GEMIN5: variants seen among roughly 807,000 people sequenced by gnomAD.
GEMIN5 encodes gem-associated protein 5.
Under a neutral mutation model 176.9 loss-of-function variants are expected in GEMIN5, and 124 were observed. The ratio of observed to expected loss-of-function variants is 0.70; its 90% CI spans 0.61 to 0.81. The LOEUF is 0.81. Among genes scored for constraint, GEMIN5 ranks in the 40% least tolerant of loss-of-function variants. The pLI is 0.00. For synonymous variants in GEMIN5, 673 were observed against 665.2 expected (o/e 1.01, Z -0.18); for missense variants, 1,843 against 1,814.6 (o/e 1.02, Z -0.28).
At chr5:154,899,144 C>A in intron 22 of GEMIN5, 47 bp downstream of exon 22, 2 of 1,552,160 alleles carry the variant, frequency 1.3e-6, no homozygotes, top group Non-Finnish European at 8.7e-7. Context: ...CCCTTCCTGG[C>A]AGAAGCTCTC....
At chr5:154,899,857 T>C (rs1293489642) in intron 21 of GEMIN5, among the ~76,000 whole-genome samples, 3 of 152,112 alleles carry the variant, frequency 2.0e-5, no homozygotes, top group Non-Finnish European at 4.4e-5. Flanking sequence ...AGTAGAATGG[T>C]TGTCTCTAGG....
chr5:154,921,465 A>G (rs953067103), intron 9 of GEMIN5, 40 bp from the exon 10 acceptor site: 29 of 875,190 alleles, frequency 3.3e-5, no homozygotes, highest in Non-Finnish European at 5.0e-5. Context: ...GGAGATTTAA[A>G]CAAAAAGGCA....
chr5:154,928,775 T>A, intron 5 of GEMIN5, 116 bp from the exon 6 acceptor site: 1 of 819,344 alleles, frequency 1.2e-6, no homozygotes, highest in Non-Finnish European at 2.0e-6. Flanking sequence ...TTTGGCTACT[T>A]AGAATTCAGA....
chr5:154,917,014 G>T lies in GEMIN5; in HGVS notation c.1839C>A (p.Asn613Lys). 1.3e-6 allele frequency: 2 copies of T among 1,587,666 alleles called. No individual in the cohort carries two copies. The highest frequency in any genetic ancestry group is 1.7e-6 in the Non-Finnish European group (2 of 1,160,340). The change falls in exon 13 of 28, where the codon AAC becomes AAA. Residue 613 changes from asparagine (N) to lysine (K), a missense_variant. By Grantham distance (94) the Asn-to-Lys change is moderately conservative. Coordinates refer to ENST00000285873, the MANE Select transcript of GEMIN5 (RefSeq NM_015465.5). ...GSNNAVIYVH[N>K]LKTVIESSPE... ...CAAAGTTACCTATGACAGTCTTCAG[G>T]TTGTGCACGTAAATGACTGCATTGT...
At position 154,889,409 on chromosome 5, in the gene GEMIN5, T is replaced by C. The variant is rs749220897; in HGVS notation, c.4271A>G (p.Glu1424Gly). The change falls in exon 27 of 28, where the codon GAA becomes GGA. Residue 1424 changes from glutamate to glycine, a missense_variant. Glu to Gly is a moderately conservative substitution (Grantham distance 98, BLOSUM62 -2). Coordinates refer to ENST00000285873, the MANE Select transcript of GEMIN5 (RefSeq NM_015465.5). ...AGGCAGAGAAAGTGGCTCATTTTTTTCTTCTTTACTAGTGAAAAAAATAAA... is the reference window on the plus strand; with the variant it reads ...AGGCAGAGAAAGTGGCTCATTTTTTCCTTCTTTACTAGTGAAAAAAATAAA... ...LCSSQSQCKE[E>G]KNEPLSLPEL... is the part of the protein sequence containing the mutation. 2 of 1,598,292 alleles carry C rather than the reference T, an allele frequency of 1.3e-6. No individual in the cohort carries two copies. Among genetic ancestry groups the C allele is most frequent in the African/African-American group, 1.3e-5 (1 of 74,806 alleles).
At chr5:154,933,115 C>T (rs1421835683) in intron 3 of GEMIN5, among the ~76,000 whole-genome samples, 1 of 152,104 alleles carries the variant, frequency 6.6e-6, no homozygotes, top group African/African-American at 2.4e-5. Flanking sequence ...AAATAATTAC[C>T]AATAGAGCTG....
chr5:154,889,391 G>GA lies in GEMIN5; in HGVS notation c.4288dup (p.Ser1430PhefsTer4), dbSNP rs1297917315. ...AAGCCTTTTGGTTAACTCAGGCAGA[G>GA]AAAGTGGCTCATTTTTTTCTTCTTT... On this transcript the variant is annotated frameshift_variant, in exon 27 of 28. Coordinates refer to ENST00000285873, the MANE Select transcript of GEMIN5 (RefSeq NM_015465.5). LOFTEE classifies it high-confidence loss of function. 5.0e-6 allele frequency: 8 copies of GA among 1,609,230 alleles called. No homozygotes were observed. Among genetic ancestry groups the GA allele is most frequent in the Non-Finnish European group, 6.8e-6 (8 of 1,175,812 alleles).
Position 154,911,489 on chromosome 5 carries a change from G to A in GEMIN5, c.2167+238C>T, listed in dbSNP as rs540353156. On this transcript the variant is annotated intron_variant, in intron 15 of 27. Transcript: ENST00000285873. ...GATCACGCCACTACATTCCAGTCTG[G>A]GCAACAGAGCGAGACTCTGTCTCAA... Among the ~76,000 whole-genome samples, 8 of 152,220 alleles carry A rather than the reference G, an allele frequency of 5.3e-5. No homozygotes were observed. In the East Asian group the frequency reaches 1.5e-3, roughly 29 times the overall value.
At position 154,911,634 on chromosome 5, in the gene GEMIN5, C is replaced by G. The variant is rs1763701141; in HGVS notation, c.2167+93G>C. ...GACCCCTGCCCTACTGACACTAATGCCCTACACGAATGTCTTCCTTGCTCA... is the reference window on the plus strand; with the variant it reads ...GACCCCTGCCCTACTGACACTAATGGCCTACACGAATGTCTTCCTTGCTCA... On this transcript the variant is annotated intron_variant, in intron 15 of 27. Transcript: ENST00000285873. The G allele has an allele frequency of 8.4e-6, 9 of 1,073,564 alleles. No homozygotes were observed. In the South Asian group the frequency reaches 1.4e-4, roughly 16 times the overall value. The allele number at this position is 1,073,564 out of a possible 1,614,324, so 66.5% of individuals were successfully genotyped here. A position where few individuals can be genotyped will look rare whatever the true frequency, so the allele number is the denominator to read the frequency against.
At chr5:154,914,692 G>A (rs905435140) in intron 13 of GEMIN5, among the ~76,000 whole-genome samples, 3 of 151,726 alleles carry the variant, frequency 2.0e-5, no homozygotes, top group African/African-American at 7.3e-5. Flanking sequence ...TGATCTTCCT[G>A]CCATGGTCTC....
At chr5:154,929,134 G>A (rs1764106662) in intron 5 of GEMIN5, among the ~76,000 whole-genome samples, 1 of 152,206 alleles carries the variant, frequency 6.6e-6, no homozygotes, top group Non-Finnish European at 1.5e-5. Context: ...TGAGGCAGGA[G>A]AATGGCATGA....
Position 154,924,506 on chromosome 5 carries a change from C to G in GEMIN5, c.1342G>C (p.Asp448His), listed in dbSNP as rs1428399011. 5.0e-6 allele frequency: 8 copies of G among 1,612,286 alleles called. No individual in the cohort carries two copies. Among genetic ancestry groups the G allele is most frequent in the African/African-American group, 1.3e-5 (1 of 74,872 alleles). ...KEGCLAFGTD[D>H]GKVGLYDTYS... is the part of the protein sequence containing the mutation. ...GTGTCATACAATCCCACTTTTCCAT[C>G]ATCAGTTCCAAAAGCTAAGCAACCT... Residue 448 changes from aspartate (D) to histidine (H), a missense_variant, in exon 9 of 28, where the codon GAT becomes CAT. Coordinates refer to ENST00000285873, the MANE Select transcript of GEMIN5 (RefSeq NM_015465.5).
chr5:154,932,523 G>GTGGACCATGAT (rs1764190558), intron 3 of GEMIN5, among the ~76,000 whole-genome samples: 1 of 152,128 alleles, frequency 6.6e-6, no homozygotes, highest in South Asian at 2.1e-4. Flanking sequence ...AAAACTCACA[G>GTGGACCATGAT]TGGACCATGA....
Position 154,899,215 on chromosome 5 carries a change from C to T in GEMIN5, c.3110G>A (p.Gly1037Asp), listed in dbSNP as rs765730393. 2.2e-5 allele frequency: 36 copies of T among 1,612,364 alleles called. No homozygotes were observed. In the South Asian group the frequency reaches 3.8e-4, roughly 17 times the overall value. Reference protein sequence around the residue: ...LSWGTVLERDGHYAVAAKCYL... With the variant: ...LSWGTVLERDDHYAVAAKCYL... ...CCATTTGGCAGCTACAGCATAGTGG[C>T]CATCTCTTTCTAGGACGGTTCCCCA... The change falls in exon 22 of 28, where the codon GGC becomes GAC. Residue 1037 changes from glycine (G) to aspartate (D), a missense_variant. By Grantham distance (94) the Gly-to-Asp change is moderately conservative. Coordinates refer to ENST00000285873, the MANE Select transcript of GEMIN5 (RefSeq NM_015465.5).
rs3749672 is a variant in GEMIN5, at chr5:154,932,166, G to A, written c.594C>T (p.Ile198=). Residue 198 remains isoleucine (I), a synonymous_variant, in exon 4 of 28, where the codon ATC becomes ATT. Coordinates refer to ENST00000285873, the MANE Select transcript of GEMIN5 (RefSeq NM_015465.5). Reference sequence around the variant, plus strand: ...GCAGGGGACACCAGGCTATGGAGTGGATTTCATCATCATGGCCTCGAAGCC... The same window carrying A: ...GCAGGGGACACCAGGCTATGGAGTGAATTTCATCATCATGGCCTCGAAGCC... ...IHRLRGHDDE[I]HSIAWCPLPG... is the part of the protein sequence containing the mutation. The A allele has an allele frequency of 1.3e-4, 216 of 1,612,366 alleles. 1 individual carries two copies. The East Asian group carries it at 4.8e-3, about 36-fold the overall frequency.
chr5:154,893,779 T>C (rs1763290565), intron 24 of GEMIN5, among the ~76,000 whole-genome samples: 1 of 152,222 alleles, frequency 6.6e-6, no homozygotes, highest in African/African-American at 2.4e-5. Flanking sequence ...AGTCTTGCTC[T>C]GTCGCCCAGG....
chr5:154,901,795 T>TTC (rs10629944), intron 20 of GEMIN5, among the ~76,000 whole-genome samples: 135,457 of 149,504 alleles, frequency 0.91, 61,764 homozygotes, highest in South Asian at 0.97. Context: ...TTTTTTTTTT[T>TTC]CCCTTTCCTT....
chr5:154,888,162 G>C lies in GEMIN5; in HGVS notation c.*48C>G. The C allele has an allele frequency of 1.3e-6, 2 of 1,561,854 alleles. No individual in the cohort carries two copies. Among genetic ancestry groups the C allele is most frequent in the Non-Finnish European group, 1.8e-6 (2 of 1,132,886 alleles). The stretch of plus-strand genomic sequence containing the variant: ...GTGAGGCATAACTGCAGAGGTGAAA[G>C]ATGTCAAACATTTTCAATTTGGCAG... On this transcript the variant is annotated 3_prime_UTR_variant, in exon 28 of 28. Transcript: ENST00000285873.
At position 154,905,404 on chromosome 5, in the gene GEMIN5, T is replaced by G. The variant is rs1393338526; in HGVS notation, c.2468A>C (p.Lys823Thr). 6.2e-7 allele frequency: 1 copy of G among 1,608,850 alleles called. No individual in the cohort carries two copies. Among genetic ancestry groups the G allele is most frequent in the South Asian group, 1.1e-5 (1 of 90,214 alleles). Residue 823 changes from lysine (K) to threonine (T), a missense_variant, in exon 17 of 28, where the codon AAA (lysine) becomes ACA (threonine). Coordinates refer to ENST00000285873, the MANE Select transcript of GEMIN5 (RefSeq NM_015465.5). ...FEKSKVTINNKVILLKKEPPK... is the reference protein window; with the variant it reads ...FEKSKVTINNTVILLKKEPPK... ...TGGCTCCTTTTTCAGTAAAATGACT[T>G]TGTTATTAATGGTGACTTTTGACTT...
Sources: gnomAD v4.1 joint callset for allele counts (sites outside exome capture counted in the v4.1 genomes callset) on GRCh38, gnomAD v4.1.1 for gene constraint, MANE v1.5 for transcripts, NCBI Gene and HGNC (gene_info 2026-07-23, HGNC 2026-07-21) for gene names.